Variants in NCAPD3 observed in about 807,000 individuals in gnomAD.
The protein encoded by NCAPD3 is condensin-2 complex subunit D3.
NCAPD3 carries 105 observed loss-of-function variants against 182.9 expected under a neutral mutation model. The ratio of observed to expected loss-of-function variants is 0.57; its 90% CI spans 0.49 to 0.68. NCAPD3 has a LOEUF of 0.68. Among genes scored for constraint, NCAPD3 ranks in the 30% least tolerant of loss-of-function variants. The pLI, the probability that NCAPD3 is intolerant of heterozygous loss-of-function variation, is 0.00. For missense variants in NCAPD3, 1,944 were observed against 1,837.0 expected (o/e 1.06, Z -1.07); for synonymous variants, 815 against 679.9 (o/e 1.20, Z -3.09).
chr11:134,176,294 G>A lies in NCAPD3; in HGVS notation c.3101+13C>T. The A allele has an allele frequency of 2.5e-6, 4 of 1,610,524 alleles. No homozygotes were observed. The highest frequency in any genetic ancestry group is 3.4e-6 in the Non-Finnish European group (4 of 1,176,734). ...TAAACTGTTGAGTCGTCTGACGTGA[G>A]GAAAAGATTTACCTGGCAATGTCTG... is the stretch of plus-strand genomic sequence containing the variant. On this transcript the variant is annotated intron_variant, in intron 24 of 34. Coordinates refer to ENST00000534548, the MANE Select transcript of NCAPD3 (RefSeq NM_015261.3).
chr11:134,207,551 T>G (rs1303800292), intron 7 of NCAPD3, among the ~76,000 whole-genome samples: 1 of 151,880 alleles, frequency 6.6e-6, no homozygotes, highest in Non-Finnish European at 1.5e-5. Context: ...ATCAAGACCA[T>G]CCTGGCCAAC....
chr11:134,193,280 T>C (rs1262669047), intron 15 of NCAPD3, among the ~76,000 whole-genome samples: 4 of 152,186 alleles, frequency 2.6e-5, no homozygotes, highest in African/African-American at 9.6e-5. Flanking sequence ...GAAATAAACA[T>C]ACTTCTAAAA....
At chr11:134,184,810 TACACACACACACACACACACACACACAC>T in intron 18 of NCAPD3, 58 bp from the exon 19 acceptor site, 1 of 1,008,316 alleles carries the variant, frequency 9.9e-7, no homozygotes, top group Non-Finnish European at 1.5e-6. Flanking sequence ...CAGGTATATA[TACACACACACACACACACACACACACAC>T]ACACACACAC....
intron 24 of NCAPD3, among the ~76,000 whole-genome samples, chr11:134,171,154 C>G (rs1943997455): frequency 6.6e-6 from 1 of 152,152 alleles, no homozygotes; most frequent in Admixed American, 6.5e-5. Flanking sequence ...ATCCTCTCCC[C>G]AGCCCTCAGG....
At chr11:134,224,980 C>G, upstream of NCAPD3, 2 of 608,804 alleles carry the variant, frequency 3.3e-6, no homozygotes, top group Non-Finnish European at 4.6e-6. Context: ...GCCCACTGCC[C>G]GGCGGCAGCG....
chr11:134,194,516 T>A, intron 14 of NCAPD3, 149 bp downstream of exon 14: 1 of 530,158 alleles, frequency 1.9e-6, no homozygotes, highest in African/African-American at 2.0e-5. Flanking sequence ...AGTTCGTCTA[T>A]GATTCATATA....
chr11:134,194,746 G>A lies in NCAPD3; in HGVS notation c.1616-8C>T, dbSNP rs2135999071. ...TTGCCATGACACATCTTTCTGTAGA[G>A]GGAATACCAAAGGGTCATCACAGCT... is the stretch of plus-strand genomic sequence containing the variant. On this transcript the variant is annotated splice_polypyrimidine_tract_variant and splice_region_variant and intron_variant, in intron 13 of 34. Transcript: ENST00000534548. 2 of 1,591,182 alleles carry A rather than the reference G, an allele frequency of 1.3e-6. No individual in the cohort carries two copies. The highest frequency in any genetic ancestry group is 2.3e-5 in the East Asian group (1 of 43,606).
Position 134,223,594 on chromosome 11 carries a change from G to A in NCAPD3, c.64+269C>T, listed in dbSNP as rs1591872014. ...TGCACGAAGACACGCACAGGAAGAA[G>A]GGGAAGGCCGAGAAAACAGATGCAC... On this transcript the variant is annotated intron_variant, in intron 1 of 34. Coordinates refer to ENST00000534548, the MANE Select transcript of NCAPD3 (RefSeq NM_015261.3). The A allele has an allele frequency of 6.0e-6, 4 of 669,994 alleles. No individual in the cohort carries two copies. In the Middle Eastern group the frequency reaches 7.1e-4, roughly 119 times the overall value. 41.5% of individuals were successfully genotyped at this position (669,994 alleles called of 1,614,324 possible). A position where few individuals can be genotyped will look rare whatever the true frequency, so the allele number is the denominator to read the frequency against.
upstream of NCAPD3, chr11:134,225,324 A>T: frequency 6.2e-7 from 1 of 1,613,690 alleles, no homozygotes; most frequent in South Asian, 1.1e-5. Context: ...GGGCATCAAG[A>T]TCGAGTTCAT....
In NCAPD3 at chr11:134,211,205, A is replaced by G. The variant is rs148322509; in HGVS notation, c.383-751T>C. Among the ~76,000 whole-genome samples, 40 of 152,386 alleles carry G rather than the reference A, an allele frequency of 2.6e-4. 1 individual carries two copies. Among genetic ancestry groups the G allele is most frequent in the South Asian group, 4.1e-4 (2 of 4,830 alleles). ...ACAGTAGGGCTAAACCCGATATAGCATAAAGGCTACTTTACATCAGCTCTA... is the reference window on the plus strand; with the variant it reads ...ACAGTAGGGCTAAACCCGATATAGCGTAAAGGCTACTTTACATCAGCTCTA... On this transcript the variant is annotated intron_variant, in intron 3 of 34. Coordinates refer to ENST00000534548, the MANE Select transcript of NCAPD3 (RefSeq NM_015261.3).
At chr11:134,160,365 TGTGA>T (rs1301673420) in intron 28 of NCAPD3, among the ~76,000 whole-genome samples, 6 of 152,086 alleles carry the variant, frequency 3.9e-5, no homozygotes, top group East Asian at 1.9e-4. Flanking sequence ...CAGAAAAATA[TGTGA>T]GTAACTAACA....
intron 27 of NCAPD3, among the ~76,000 whole-genome samples, chr11:134,164,991 CACAA>C (rs1475234173): frequency 7.0e-6 from 1 of 143,624 alleles, no homozygotes; most frequent in Non-Finnish European, 1.5e-5. Context: ...TCACTTGTGA[CACAA>C]ACTTAGGGAA....
At chr11:134,218,685 A>G (rs937933202) in intron 2 of NCAPD3, among the ~76,000 whole-genome samples, 1 of 152,090 alleles carries the variant, frequency 6.6e-6, no homozygotes, top group African/African-American at 2.4e-5. Flanking sequence ...TGTTTTTAAG[A>G]TATCTCAAAA....
intron 28 of NCAPD3, among the ~76,000 whole-genome samples, chr11:134,161,269 C>A (rs971081806): frequency 2.6e-5 from 4 of 152,146 alleles, no homozygotes; most frequent in Non-Finnish European, 5.9e-5. Flanking sequence ...CCCTGCAAGT[C>A]AACACATCCT....
At chr11:134,221,486 T>A (rs78986084) in intron 1 of NCAPD3, among the ~76,000 whole-genome samples, 1 of 152,134 alleles carries the variant, frequency 6.6e-6, no homozygotes, top group African/African-American at 2.4e-5. Context: ...CAACCCGTCA[T>A]CTACATTAGG....
chr11:134,167,231 G>T (rs77231177), intron 27 of NCAPD3, among the ~76,000 whole-genome samples: 1 of 134,104 alleles, frequency 7.5e-6, no homozygotes, highest in Non-Finnish European at 1.6e-5. Flanking sequence ...AGATGAGCTT[G>T]GGGGAGGCGC....
intron 3 of NCAPD3, among the ~76,000 whole-genome samples, chr11:134,212,484 T>A (rs938628122): frequency 6.7e-6 from 1 of 148,634 alleles, no homozygotes; most frequent in Non-Finnish European, 1.5e-5. Flanking sequence ...AACCTCTACC[T>A]CCTGGGTTCA....
At chr11:134,157,132 C>T (rs1565515660) in intron 31 of NCAPD3, 37 bp from the exon 32 acceptor site, 2 of 1,529,156 alleles carry the variant, frequency 1.3e-6, no homozygotes, top group South Asian at 1.2e-5. Flanking sequence ...AGAAATACCC[C>T]CAAACAATAA....
chr11:134,173,875 C>A (rs1179745744), intron 24 of NCAPD3, among the ~76,000 whole-genome samples: 1 of 151,662 alleles, frequency 6.6e-6, no homozygotes, highest in Non-Finnish European at 1.5e-5. Flanking sequence ...GCAGGAGAAT[C>A]GCTTGAACCA....
Sources: allele counts gnomAD v4.1 joint callset (sites outside exome capture counted in the v4.1 genomes callset), GRCh38; gene constraint gnomAD v4.1.1; transcripts MANE v1.5; gene names NCBI Gene and HGNC (gene_info 2026-07-23, HGNC 2026-07-21).